The following LBR variants were observed in gnomAD, a reference collection of about 807,000 sequenced individuals.
LBR encodes the protein lamin B receptor, also known as delta(14)-sterol reductase LBR.
A neutral mutation model predicts 74.3 loss-of-function variants in LBR; 28 were observed. That is an observed-to-expected ratio of 0.38 (90% CI 0.28 to 0.52). The LOEUF (loss-of-function observed/expected upper bound fraction) is 0.52. Ranked by LOEUF, LBR falls within the 20% of genes least tolerant of loss-of-function variation. LBR has a pLI of 0.89. For synonymous variants in LBR, 228 were observed against 269.3 expected (o/e 0.85, Z 1.50); for missense variants, 717 against 760.3 (o/e 0.94, Z 0.67).
intron 1 of LBR, 157 bp downstream of exon 1, chr1:225,427,797 G>C (rs557629739): frequency 1.8e-4 from 28 of 152,026 alleles, no homozygotes; most frequent in African/African-American, 6.5e-4. Context: ...GGGAGGAGAC[G>C]AGGAGGCGAG....
chr1:225,414,229 TA>T, intron 7 of LBR: 1 of 439,540 alleles, frequency 2.3e-6, no homozygotes, highest in Non-Finnish European at 4.6e-6. Context: ...TGACTGGCAC[TA>T]AAAGGCAGAA....
Position 225,403,113 on chromosome 1 carries a change from T to TAG in LBR, c.*189_*190insCT. 1 of 591,212 alleles carries TAG rather than the reference T, an allele frequency of 1.7e-6. No individual in the cohort carries two copies. Among genetic ancestry groups the TAG allele is most frequent in the Non-Finnish European group, 3.0e-6 (1 of 334,950 alleles). 36.6% of individuals were successfully genotyped at this position (591,212 alleles called of 1,614,324 possible). A position where few individuals can be genotyped will look rare whatever the true frequency, so the allele number is the denominator to read the frequency against. ...TTACTTGTATTTTTCCTATGTTAAC[T>TAG]GTAAGTTAATACAAGTAAACACGGC... On this transcript the variant is annotated 3_prime_UTR_variant, in exon 14 of 14. Coordinates refer to ENST00000272163, the MANE Select transcript of LBR (RefSeq NM_002296.4).
At position 225,412,522 on chromosome 1, in the gene LBR, A is replaced by T; in HGVS notation, c.1016T>A (p.Val339Asp). ...FALAATVFCVVLSVYLYMRSL... is the reference protein window; with the variant it reads ...FALAATVFCVDLSVYLYMRSL... ...GCGCATGTAGAGATACACACTCAAG[A>T]CCACACAAAAAACAGTGGCCGCAAG... Residue 339 changes from valine (V) to aspartate (D), a missense_variant, in exon 8 of 14, where the codon GTC becomes GAC. Physicochemically the swap from Val to Asp is radical, Grantham distance 152. Coordinates refer to ENST00000272163, the MANE Select transcript of LBR (RefSeq NM_002296.4). 6.2e-7 allele frequency: 1 copy of T among 1,614,174 alleles called. No individual in the cohort carries two copies. Among genetic ancestry groups the T allele is most frequent in the Non-Finnish European group, 8.5e-7 (1 of 1,180,042 alleles).
At chr1:225,408,500 G>A (rs1295749405) in intron 10 of LBR, among the ~76,000 whole-genome samples, 1 of 152,204 alleles carries the variant, frequency 6.6e-6, no homozygotes, top group Non-Finnish European at 1.5e-5. Flanking sequence ...GGCTTTCACA[G>A]GACGGCTCAG....
At chr1:225,425,787 A>C (rs1056201038) in intron 1 of LBR, among the ~76,000 whole-genome samples, 1 of 152,176 alleles carries the variant, frequency 6.6e-6, no homozygotes, top group Admixed American at 6.5e-5. Flanking sequence ...AGTTAAAAGA[A>C]GGCAATTATG....
chr1:225,419,932 C>T, intron 3 of LBR, 134 bp from the exon 4 acceptor site: 2 of 698,786 alleles, frequency 2.9e-6, no homozygotes, highest in Non-Finnish European at 5.1e-6. Flanking sequence ...ACGAATTTAA[C>T]CCTCATTTTG....
chr1:225,405,279 T>TATCA (rs375317557), intron 11 of LBR, among the ~76,000 whole-genome samples: 238 of 152,346 alleles, frequency 1.6e-3, no homozygotes, highest in African/African-American at 5.4e-3. Flanking sequence ...AAAATCAATC[T>TATCA]ATCACTGACA....
intron 2 of LBR, chr1:225,422,481 G>A (rs2096129529): frequency 1.7e-6 from 1 of 598,236 alleles, no homozygotes; most frequent in African/African-American, 1.8e-5. Flanking sequence ...GACAAATGCA[G>A]CCTTTCCATT....
At chr1:225,414,422 C>T (rs1469943794) in intron 7 of LBR, among the ~76,000 whole-genome samples, 2 of 152,202 alleles carry the variant, frequency 1.3e-5, no homozygotes, top group East Asian at 1.9e-4. Context: ...CACTCTACTC[C>T]GTCTTGTCAA....
At chr1:225,421,952 T>C in intron 3 of LBR, 125 bp downstream of exon 3, 2 of 931,854 alleles carry the variant, frequency 2.1e-6, no homozygotes, top group South Asian at 2.9e-5. Flanking sequence ...ATATGAAAAC[T>C]CCCAAAGTCA....
intron 7 of LBR, 75 bp downstream of exon 7, chr1:225,415,203 C>T: frequency 3.0e-6 from 3 of 1,008,958 alleles, no homozygotes; most frequent in South Asian, 2.8e-5. Context: ...GTCTAATCAG[C>T]TTTAACAAAG....
chr1:225,406,178 A>G (rs911731508), intron 11 of LBR, among the ~76,000 whole-genome samples: 7 of 152,112 alleles, frequency 4.6e-5, no homozygotes, highest in Non-Finnish European at 1.0e-4. Flanking sequence ...ATATCCTCCG[A>G]TAAGTTCACA....
intron 11 of LBR, 140 bp downstream of exon 11, chr1:225,406,524 A>G: frequency 1.4e-6 from 1 of 711,808 alleles, no homozygotes; most frequent in Non-Finnish European, 2.3e-6. Context: ...CAGATTTTTT[A>G]TTACTCATGA....
At chr1:225,415,480 T>C in intron 6 of LBR, 148 bp from the exon 7 acceptor site, 1 of 595,206 alleles carries the variant, frequency 1.7e-6, no homozygotes. Context: ...TTTAGTAATA[T>C]GTTTCAAAAA....
At chr1:225,410,547 A>G in intron 9 of LBR, 131 bp from the exon 10 acceptor site, 2 of 887,776 alleles carry the variant, frequency 2.3e-6, no homozygotes, top group Non-Finnish European at 3.6e-6. Flanking sequence ...GCCACCAGGA[A>G]TAAGACATCT....
intron 9 of LBR, 86 bp from the exon 10 acceptor site, chr1:225,410,502 G>T: frequency 6.9e-7 from 1 of 1,440,642 alleles, no homozygotes; most frequent in Non-Finnish European, 9.7e-7. Flanking sequence ...CTTCACAGCT[G>T]AGACACCTGG....
At chr1:225,413,280 C>T (rs931955809) in intron 7 of LBR, among the ~76,000 whole-genome samples, 3 of 152,220 alleles carry the variant, frequency 2.0e-5, no homozygotes, top group East Asian at 1.9e-4. Context: ...GGGACATTCA[C>T]GTGCAATGCC....
In LBR at chr1:225,423,911, C is replaced by A; in HGVS notation, c.165G>T (p.Lys55Asn). 1 of 1,612,758 alleles carries A rather than the reference C, an allele frequency of 6.2e-7. No individual in the cohort carries two copies. Among genetic ancestry groups the A allele is most frequent in the Non-Finnish European group, 8.5e-7 (1 of 1,178,856 alleles). The change falls in exon 2 of 14, where the codon AAG becomes AAT. Residue 55 changes from lysine to asparagine, a missense_variant and splice_region_variant. Physicochemically the swap from Lys to Asn is moderately conservative, Grantham distance 94 (BLOSUM62 0). Transcript: ENST00000272163. ...TCTGATAAACCAAAGGAGCTCTTAC[C>A]TTAATATCATTCTCTTTCAATTCAA... ...TELELKENDI[K>N]PLTSFRQRKG...
intron 3 of LBR, among the ~76,000 whole-genome samples, chr1:225,420,778 CAAAAAAA>C (rs60369092): frequency 8.7e-6 from 1 of 115,068 alleles, no homozygotes; most frequent in Non-Finnish European, 1.8e-5. Flanking sequence ...CCACATTCTC[CAAAAAAA>C]AAAAAAAAAA....
Sources: allele counts gnomAD v4.1 joint callset (sites outside exome capture counted in the v4.1 genomes callset), GRCh38; gene constraint gnomAD v4.1.1; transcripts MANE v1.5; gene names NCBI Gene and HGNC (gene_info 2026-07-23, HGNC 2026-07-21).